PIK3R5: variants seen among roughly 807,000 people sequenced by gnomAD.
PIK3R5 encodes the protein phosphoinositide-3-kinase regulatory subunit 5, also known as phosphoinositide 3-kinase regulatory subunit 5.
A neutral mutation model predicts 94.9 loss-of-function variants in PIK3R5; 32 were observed. The observed-to-expected ratio is 0.34, with a 90% confidence interval of 0.25 to 0.45. The LOEUF (loss-of-function observed/expected upper bound fraction) is 0.45, where lower values mean the gene tolerates loss of function less well. PIK3R5 is among the 20% of genes least tolerant of loss of function. The pLI is 1.00. For synonymous variants in PIK3R5, 443 were observed against 479.4 expected, an observed-to-expected ratio of 0.92 and a Z score of 0.99; for missense variants, 853 against 1,144.6, an observed-to-expected ratio of 0.75 and a Z score of 3.68.
At chr17:8,959,126 G>C (rs868183991) in intron 1 of PIK3R5, among the ~76,000 whole-genome samples, 1 of 152,152 alleles carries the variant, frequency 6.6e-6, no homozygotes, top group Non-Finnish European at 1.5e-5. Context: ...TCCAACAACA[G>C]AGCAGTGGCC....
chr17:8,909,353 G>T lies in PIK3R5; in HGVS notation c.104-179C>A, dbSNP rs1239275639. ...TCGCCAGGCTGGAGTGCAGTGGTGC[G>T]ATCTCAGCTCACTGCAACCTCTGCC... is the stretch of plus-strand genomic sequence containing the variant. On this transcript the variant is annotated intron_variant, in intron 2 of 18. Transcript: ENST00000447110. The surrounding 1 kb of genome is among the most constrained non-coding windows in gnomAD (Gnocchi z 4.3). Among the ~76,000 whole-genome samples, 1 of 151,678 alleles carries T rather than the reference G, an allele frequency of 6.6e-6. No individual in the cohort carries two copies. Among genetic ancestry groups the T allele is most frequent in the Non-Finnish European group, 1.5e-5 (1 of 67,932 alleles).
chr17:8,884,612 C>T lies in PIK3R5; in HGVS notation c.2205+95G>A. 3.1e-6 allele frequency: 3 copies of T among 965,458 alleles called. No homozygotes were observed. Among genetic ancestry groups the T allele is most frequent in the Non-Finnish European group, 4.9e-6 (3 of 612,882 alleles). The allele number at this position is 965,458 out of a possible 1,614,324, so 59.8% of individuals were successfully genotyped here. ...GCCTTCCAGCGTAAAGACTGGGGCC[C>T]AGGAACACACGAGTCCAGCTCTGGG... On this transcript the variant is annotated intron_variant, in intron 15 of 18. Coordinates refer to ENST00000447110, the MANE Select transcript of PIK3R5 (RefSeq NM_001142633.3). This position sits in a 1 kb window ranked among gnomAD's most constrained non-coding sequence, Gnocchi z 5.8.
Position 8,881,764 on chromosome 17 carries a change from C to G in PIK3R5, c.2299+24G>C, listed in dbSNP as rs1195373759. On this transcript the variant is annotated intron_variant, in intron 16 of 18. Coordinates refer to ENST00000447110, the MANE Select transcript of PIK3R5 (RefSeq NM_001142633.3). The surrounding 1 kb of genome is among the most constrained non-coding windows in gnomAD (Gnocchi z 4.8). ...GCTCAGAGCACCTCCCTACTGCACA[C>G]CCCACACTGACCACCCCACTCACCC... 6.2e-7 allele frequency: 1 copy of G among 1,612,908 alleles called. No homozygotes were observed. Among genetic ancestry groups the G allele is most frequent in the Admixed American group, 1.7e-5 (1 of 60,024 alleles).
intron 1 of PIK3R5, among the ~76,000 whole-genome samples, chr17:8,920,367 T>C (rs1251729414): frequency 6.6e-6 from 1 of 152,158 alleles, no homozygotes; most frequent in Non-Finnish European, 1.5e-5. Flanking sequence ...GAAGGCACCT[T>C]AGGTACCATT....
chr17:8,888,002 AAATAATAAT>A lies in PIK3R5; in HGVS notation c.1616+160_1616+168del, dbSNP rs71135929. ...GGCAACAGAGCAAGACTCTGTCTCA[AAATAATAAT>A]AATAATAATAATAATAATAATAATA... is the stretch of plus-strand genomic sequence containing the variant. On this transcript the variant is annotated intron_variant, in intron 10 of 18. Coordinates refer to ENST00000447110, the MANE Select transcript of PIK3R5 (RefSeq NM_001142633.3). The surrounding 1 kb of genome is among the most constrained non-coding windows in gnomAD (Gnocchi z 7.8). Among the ~76,000 whole-genome samples the A allele has an allele frequency of 7.4e-3, 955 of 129,506 alleles. 8 individuals are homozygous for A. The highest frequency in any genetic ancestry group is 0.025 in the East Asian group (113 of 4,472). 85.0% of individuals were successfully genotyped at this position (129,506 alleles called of 152,430 possible).
intron 1 of PIK3R5, among the ~76,000 whole-genome samples, chr17:8,927,051 C>T (rs1009658320): frequency 3.3e-5 from 5 of 152,074 alleles, no homozygotes; most frequent in African/African-American, 9.7e-5. Context: ...AGAGAAGGCA[C>T]ACAGGCTAGG....
In PIK3R5 at chr17:8,946,417, T is replaced by C. The variant is rs373460653; in HGVS notation, c.-14+19179A>G. The stretch of plus-strand genomic sequence containing the variant: ...GATGGTGCCATCCACCAGGCACCTA[T>C]GAAAACTACTAGGAGATGGCGCCGT... On this transcript the variant is annotated intron_variant, in intron 1 of 18. Coordinates refer to ENST00000447110, the MANE Select transcript of PIK3R5 (RefSeq NM_001142633.3). Among the ~76,000 whole-genome samples, 125 of 151,962 alleles carry C rather than the reference T, an allele frequency of 8.2e-4. 2 individuals are homozygous for C. The South Asian group carries it at 0.021, about 26-fold the overall frequency.
intron 1 of PIK3R5, among the ~76,000 whole-genome samples, chr17:8,954,237 G>C (rs2091429030): frequency 6.6e-6 from 1 of 152,162 alleles, no homozygotes; most frequent in African/African-American, 2.4e-5. Context: ...ATTTTTGCAA[G>C]GTGCAAAGGA....
intron 5 of PIK3R5, among the ~76,000 whole-genome samples, chr17:8,903,811 T>C (rs991961352): frequency 6.6e-6 from 1 of 152,248 alleles, no homozygotes; most frequent in Admixed American, 6.5e-5. Context: ...GACAATTCTT[T>C]GTTCAGGGGA....
At chr17:8,932,443 T>C (rs1311368018) in intron 1 of PIK3R5, among the ~76,000 whole-genome samples, 1 of 152,126 alleles carries the variant, frequency 6.6e-6, no homozygotes, top group Non-Finnish European at 1.5e-5. Context: ...CCATGTGGGT[T>C]AGGCTGGTCT....
chr17:8,900,107 G>A (rs984538435), intron 5 of PIK3R5, among the ~76,000 whole-genome samples: 1 of 152,052 alleles, frequency 6.6e-6, no homozygotes, highest in African/African-American at 2.4e-5. Flanking sequence ...AGGTAATTTT[G>A]TTTAACTATC....
At position 8,892,462 on chromosome 17, in the gene PIK3R5, C is replaced by T. The variant is rs528680388; in HGVS notation, c.482+1124G>A. ...CTGTAAGCTCTTTCTACAAATCTCT[C>T]GGTGCCTCACTTCCCTTATGTGAAA... On this transcript the variant is annotated intron_variant, in intron 6 of 18. Coordinates refer to ENST00000447110, the MANE Select transcript of PIK3R5 (RefSeq NM_001142633.3). The surrounding 1 kb of genome is among the most constrained non-coding windows in gnomAD (Gnocchi z 4.3). 6.6e-6 allele frequency among the ~76,000 whole-genome samples: 1 copy of T among 152,182 alleles called. No homozygotes were observed. Among genetic ancestry groups the T allele is most frequent in the South Asian group, 2.1e-4 (1 of 4,808 alleles).
At chr17:8,957,576 C>T (rs149134991) in intron 1 of PIK3R5, among the ~76,000 whole-genome samples, 121 of 152,310 alleles carry the variant, frequency 7.9e-4, no homozygotes, top group African/African-American at 2.8e-3. Flanking sequence ...TCAGCATCCT[C>T]CAAATGCAGC....
At position 8,884,768 on chromosome 17, in the gene PIK3R5, C is replaced by T. The variant is rs2089772512; in HGVS notation, c.2144G>A (p.Arg715Gln). Reference protein sequence around the residue: ...AIKASGPGSKRLGIDGDREAV... With the variant: ...AIKASGPGSKQLGIDGDREAV... ...CTCCCGGTCGCCATCGATGCCCAGCCGCTTGCTGCCAGGACCTGTGCCACA... is the reference window on the plus strand; with the variant it reads ...CTCCCGGTCGCCATCGATGCCCAGCTGCTTGCTGCCAGGACCTGTGCCACA... The change falls in exon 15 of 19, where the codon CGG (arginine) becomes CAG (glutamine). Residue 715 changes from arginine to glutamine, a missense_variant. Arg to Gln is a conservative substitution (Grantham distance 43, BLOSUM62 1). Transcript: ENST00000447110. This position sits in a 1 kb window ranked among gnomAD's most constrained non-coding sequence, Gnocchi z 5.8. 1.9e-6 allele frequency: 3 copies of T among 1,612,846 alleles called. No individual in the cohort carries two copies. The highest frequency in any genetic ancestry group is 2.2e-5 in the East Asian group (1 of 44,866).
At chr17:8,891,233 G>A (rs1042788500) in intron 6 of PIK3R5, among the ~76,000 whole-genome samples, 2 of 152,208 alleles carry the variant, frequency 1.3e-5, no homozygotes, top group East Asian at 1.9e-4. Flanking sequence ...AGACAGCTGA[G>A]TGGATGCAAG....
chr17:8,903,434 G>A (rs915897129), intron 5 of PIK3R5, among the ~76,000 whole-genome samples: 1 of 150,452 alleles, frequency 6.6e-6, no homozygotes, highest in Non-Finnish European at 1.5e-5. Flanking sequence ...TATACTAAGT[G>A]CATAAATAAA....
In PIK3R5 at chr17:8,884,231, T is replaced by C. The variant is rs1247280942; in HGVS notation, c.2205+476A>G. Among the ~76,000 whole-genome samples the C allele has an allele frequency of 2.0e-5, 3 of 152,094 alleles. No homozygotes were observed. Among genetic ancestry groups the C allele is most frequent in the African/African-American group, 7.2e-5 (3 of 41,406 alleles). The stretch of plus-strand genomic sequence containing the variant: ...GCTTCCCTCAGCCTGGACCTTGGGA[T>C]GCGACCTGCTCAGAGAACTCATGTC... On this transcript the variant is annotated intron_variant, in intron 15 of 18. Coordinates refer to ENST00000447110, the MANE Select transcript of PIK3R5 (RefSeq NM_001142633.3). The surrounding 1 kb of genome is among the most constrained non-coding windows in gnomAD (Gnocchi z 5.8).
chr17:8,906,070 T>TG (rs1388053919), intron 3 of PIK3R5, among the ~76,000 whole-genome samples: 2 of 152,178 alleles, frequency 1.3e-5, no homozygotes, highest in African/African-American at 4.8e-5. Flanking sequence ...ACATGTGCCA[T>TG]GGTGGTTTGC....
At chr17:8,957,847 G>A (rs776981442) in intron 1 of PIK3R5, among the ~76,000 whole-genome samples, 2 of 152,142 alleles carry the variant, frequency 1.3e-5, no homozygotes, top group Admixed American at 6.6e-5. Context: ...CTCAAGACTG[G>A]AGCCGTTCTC....
Sources: allele counts gnomAD v4.1 joint callset (sites outside exome capture counted in the v4.1 genomes callset), GRCh38; gene constraint gnomAD v4.1.1; non-coding constraint Gnocchi (gnomAD v3.1); transcripts MANE v1.5; gene names NCBI Gene and HGNC (gene_info 2026-07-23, HGNC 2026-07-21).